Variants in CELF4 observed in about 807,000 individuals in gnomAD.
CELF4 encodes the protein CUGBP Elav-like family member 4.
In CELF4, 18 loss-of-function variants were observed where a neutral mutation model predicts 59.9. That is an observed-to-expected ratio of 0.30 (90% CI 0.21 to 0.45). The LOEUF is 0.45. Among genes scored for constraint, CELF4 ranks in the 20% least tolerant of loss-of-function variants. The pLI, the probability that CELF4 is intolerant of heterozygous loss-of-function variation, is 1.00. For synonymous variants in CELF4, 261 were observed against 267.1 expected, an observed-to-expected ratio of 0.98 and a Z score of 0.22; for missense variants, 456 against 689.0, an observed-to-expected ratio of 0.66 and a Z score of 3.79.
rs1221766966 is a variant in CELF4, at chr18:37,331,234, C to A, written c.370-9353G>T. 3.3e-5 allele frequency among the ~76,000 whole-genome samples: 5 copies of A among 152,210 alleles called. No homozygotes were observed. In the East Asian group the frequency reaches 9.6e-4, roughly 29 times the overall value. On this transcript the variant is annotated intron_variant, in intron 2 of 12. Coordinates refer to ENST00000420428, the MANE Select transcript of CELF4 (RefSeq NM_020180.4). ...CTTGAGGTTGTGTCAGGGTAATCTG[C>A]AGACATGTCTCACCATCTCCCCATA...
At chr18:37,508,597 G>C (rs938417778) in intron 1 of CELF4, among the ~76,000 whole-genome samples, 1 of 152,242 alleles carries the variant, frequency 6.6e-6, no homozygotes, top group Non-Finnish European at 1.5e-5. Flanking sequence ...TGTTCTCCAC[G>C]CTGACAAATG....
intron 1 of CELF4, among the ~76,000 whole-genome samples, chr18:37,506,723 A>T (rs1258184058): frequency 6.6e-6 from 1 of 152,214 alleles, no homozygotes; most frequent in Non-Finnish European, 1.5e-5. Flanking sequence ...CCCACTGCAC[A>T]TCAGCCCAAC....
In CELF4 at chr18:37,272,869, C is replaced by T. The variant is rs1204953205; in HGVS notation, c.949+147G>A. On this transcript the variant is annotated intron_variant, in intron 7 of 12. Transcript: ENST00000420428. The stretch of plus-strand genomic sequence containing the variant: ...CCCATGGATTAGAACATTTTTGAGA[C>T]AAACTGCCAGAAGGCAAGTCCTCTC... The T allele has an allele frequency of 8.0e-6, 6 of 747,714 alleles. No homozygotes were observed. In the Admixed American group the frequency reaches 1.4e-4, roughly 18 times the overall value. The allele number at this position is 747,714 out of a possible 1,614,324, so 46.3% of individuals were successfully genotyped here. A position where few individuals can be genotyped will look rare whatever the true frequency, so the allele number is the denominator to read the frequency against.
intron 3 of CELF4, among the ~76,000 whole-genome samples, chr18:37,279,935 C>G (rs1260649628): frequency 2.0e-5 from 3 of 152,226 alleles, no homozygotes; most frequent in Admixed American, 6.5e-5. Flanking sequence ...TCACAAAGCC[C>G]TTGCTGCTGC....
At chr18:37,382,812 A>G (rs1175792718) in intron 2 of CELF4, among the ~76,000 whole-genome samples, 1 of 152,280 alleles carries the variant, frequency 6.6e-6, no homozygotes, top group Non-Finnish European at 1.5e-5. Flanking sequence ...CTCTAGGGCT[A>G]TTAACTGCCA....
intron 1 of CELF4, among the ~76,000 whole-genome samples, chr18:37,518,086 G>C (rs965920618): frequency 6.6e-6 from 1 of 152,102 alleles, no homozygotes; most frequent in Admixed American, 6.5e-5. Flanking sequence ...GACCAGCAAG[G>C]CTCCCTCTTT....
intron 2 of CELF4, among the ~76,000 whole-genome samples, chr18:37,336,133 T>A (rs1450486531): frequency 6.6e-6 from 1 of 152,180 alleles, no homozygotes; most frequent in African/African-American, 2.4e-5. Context: ...GCTGGCCACA[T>A]GCCCCACAGC....
At chr18:37,323,205 C>A (rs997185018) in intron 2 of CELF4, among the ~76,000 whole-genome samples, 2 of 151,908 alleles carry the variant, frequency 1.3e-5, no homozygotes, top group African/African-American at 4.8e-5. Flanking sequence ...AGATGGGAGG[C>A]AGGACGCAGC....
chr18:37,420,178 C>T (rs1472363728), intron 2 of CELF4, among the ~76,000 whole-genome samples: 1 of 152,194 alleles, frequency 6.6e-6, no homozygotes, highest in African/African-American at 2.4e-5. Context: ...AATTCAGGTC[C>T]AGTGTCTGAT....
chr18:37,391,403 A>G (rs537263043), intron 2 of CELF4, among the ~76,000 whole-genome samples: 19 of 152,346 alleles, frequency 1.2e-4, no homozygotes, highest in African/African-American at 3.8e-4. Flanking sequence ...GAAGCTCTGC[A>G]GCAGTGGCAG....
intron 2 of CELF4, among the ~76,000 whole-genome samples, chr18:37,396,391 A>G (rs1344766297): frequency 6.6e-6 from 1 of 152,180 alleles, no homozygotes; most frequent in Non-Finnish European, 1.5e-5. Flanking sequence ...CCCTTTTTCC[A>G]TCTGTAAATT....
At chr18:37,289,826 G>A (rs932843062) in intron 3 of CELF4, among the ~76,000 whole-genome samples, 1 of 152,220 alleles carries the variant, frequency 6.6e-6, no homozygotes, top group Non-Finnish European at 1.5e-5. Context: ...CGCCTTCTCT[G>A]TTGTGTGACA....
At chr18:37,551,703 A>T (rs940027790) in intron 1 of CELF4, among the ~76,000 whole-genome samples, 1 of 152,188 alleles carries the variant, frequency 6.6e-6, no homozygotes, top group African/African-American at 2.4e-5. Flanking sequence ...ACGGGTTTAA[A>T]TATTCCATGA....
intron 1 of CELF4, 123 bp from the exon 2 acceptor site, chr18:37,485,730 C>T (rs2099879829): frequency 2.2e-6 from 1 of 458,632 alleles, no homozygotes; most frequent in Non-Finnish European, 3.6e-6. Context: ...CCCCACCTCT[C>T]TTTCTCTCCC....
intron 2 of CELF4, among the ~76,000 whole-genome samples, chr18:37,356,891 C>T (rs1173292281): frequency 6.6e-6 from 1 of 152,146 alleles, no homozygotes; most frequent in Admixed American, 6.5e-5. Context: ...CCATGCCCCA[C>T]ACTTCTCTGC....
chr18:37,298,502 T>C (rs1187473698), intron 3 of CELF4, among the ~76,000 whole-genome samples: 5 of 152,028 alleles, frequency 3.3e-5, no homozygotes, highest in Non-Finnish European at 1.5e-5. Flanking sequence ...GGTGGATCAC[T>C]TGGGGTCAGG....
chr18:37,553,659 C>T (rs879807657), intron 1 of CELF4, among the ~76,000 whole-genome samples: 26 of 152,198 alleles, frequency 1.7e-4, no homozygotes, highest in Admixed American at 1.1e-3. Context: ...TCTGGCTTTG[C>T]GGTCCCTGTT....
chr18:37,389,344 C>T (rs1338273092), intron 2 of CELF4, among the ~76,000 whole-genome samples: 1 of 152,200 alleles, frequency 6.6e-6, no homozygotes, highest in Non-Finnish European at 1.5e-5. Context: ...CTGCCAAGCA[C>T]TGCAGGCCAC....
chr18:37,254,124 G>A lies in CELF4; in HGVS notation c.1334-186C>T, dbSNP rs1322015515. 10 of 248,864 alleles carry A rather than the reference G, an allele frequency of 4.0e-5. No individual in the cohort carries two copies. Among genetic ancestry groups the A allele is most frequent in the Non-Finnish European group, 6.5e-5 (9 of 137,648 alleles). The allele number at this position is 248,864 out of a possible 1,614,324, so 15.4% of individuals were successfully genotyped here. On this transcript the variant is annotated intron_variant, in intron 11 of 12. Coordinates refer to ENST00000420428, the MANE Select transcript of CELF4 (RefSeq NM_020180.4). The surrounding 1 kb of genome is among the most constrained non-coding windows in gnomAD (Gnocchi z 5.1). ...CGCGCGCGTGCTAGGCCCCTCCGGG[G>A]GCAGGCGCTGGCGGGGACCCGGCTC...
Sources: allele counts gnomAD v4.1 joint callset (sites outside exome capture counted in the v4.1 genomes callset), GRCh38; gene constraint gnomAD v4.1.1; non-coding constraint Gnocchi (gnomAD v3.1); transcripts MANE v1.5; gene names NCBI Gene and HGNC (gene_info 2026-07-23, HGNC 2026-07-21).